GRIA2: variants seen among roughly 807,000 people sequenced by gnomAD.
GRIA2 encodes the protein glutamate ionotropic receptor AMPA type subunit 2, also known as glutamate receptor 2.
Under a neutral mutation model 97.3 loss-of-function variants are expected in GRIA2, and 14 were observed. That is an observed-to-expected ratio of 0.14 (90% CI 0.10 to 0.23). GRIA2 has a LOEUF of 0.23. GRIA2 is among the 10% of genes least tolerant of loss of function. The pLI is 1.00. For missense variants in GRIA2, 558 were observed against 1,069.8 expected, an observed-to-expected ratio of 0.52 and a Z score of 6.67; for synonymous variants, 412 against 387.8, an observed-to-expected ratio of 1.06 and a Z score of -0.73.
At chr4:157,231,717 A>T (rs1730027732) in intron 2 of GRIA2, among the ~76,000 whole-genome samples, 1 of 152,180 alleles carries the variant, frequency 6.6e-6, no homozygotes, top group South Asian at 2.1e-4. Context: ...GCAATTCTTG[A>T]TAATTGCTGA....
chr4:157,312,680 C>T lies in GRIA2; in HGVS notation c.471C>T (p.Gly157=), dbSNP rs1560760558. Residue 157 remains glycine, a splice_region_variant and synonymous_variant, in exon 4 of 16, where the codon GGC becomes GGT. Transcript: ENST00000264426. The part of the protein sequence containing the change: ...KFAYLYDSDR[G]LSTLQAVLDS... ...CATCATTTTTCTTTGCCTTCCTAGGCTTATCAACACTGCAAGCTGTGCTGG... is the reference window on the plus strand; with the variant it reads ...CATCATTTTTCTTTGCCTTCCTAGGTTTATCAACACTGCAAGCTGTGCTGG... 6.3e-7 allele frequency: 1 copy of T among 1,576,398 alleles called. No individual in the cohort carries two copies. The highest frequency in any genetic ancestry group is 1.8e-5 in the Admixed American group (1 of 56,270).
rs1245621457 is a variant in GRIA2 at position 157,353,850 on chromosome 4, GATAA to G, written c.2044-6043_2044-6040del. Among the ~76,000 whole-genome samples the G allele has an allele frequency of 6.6e-5, 10 of 152,092 alleles. No homozygotes were observed. The East Asian group carries it at 1.7e-3, about 26-fold the overall frequency. The stretch of plus-strand genomic sequence containing the variant: ...TTTTAAAATTAGTTTTATTTAAAAT[GATAA>G]ATTAATCGTATAGAAAAATTTTCAT... On this transcript the variant is annotated intron_variant, in intron 12 of 15. Coordinates refer to ENST00000264426, the MANE Select transcript of GRIA2 (RefSeq NM_001083619.3).
At chr4:157,318,325 C>T (rs1262532645) in intron 5 of GRIA2, among the ~76,000 whole-genome samples, 1 of 151,916 alleles carries the variant, frequency 6.6e-6, no homozygotes, top group Non-Finnish European at 1.5e-5. Context: ...GAGAATATGT[C>T]TTAGTATGAA....
intron 2 of GRIA2, among the ~76,000 whole-genome samples, chr4:157,271,554 A>C (rs1732024891): frequency 6.6e-6 from 1 of 152,048 alleles, no homozygotes; most frequent in African/African-American, 2.4e-5. Flanking sequence ...AGGCTGCTCC[A>C]CCCTCCAGAA....
At chr4:157,355,951 T>TTATATATTAATATATATTTATATATTTA (rs1736307284) in intron 12 of GRIA2, among the ~76,000 whole-genome samples, 1 of 68,094 alleles carries the variant, frequency 1.5e-5, no homozygotes, top group Non-Finnish European at 2.4e-5. Context: ...TAATATATAT[T>TTATATATTAATATATATTTATATATTTA]TATATATTTA....
chr4:157,291,481 G>A (rs1733100998), intron 2 of GRIA2, among the ~76,000 whole-genome samples: 1 of 151,734 alleles, frequency 6.6e-6, no homozygotes, highest in Admixed American at 6.6e-5. Context: ...GTAAAACAGA[G>A]AATTTGAGGA....
At chr4:157,283,778 G>C (rs1215027990) in intron 2 of GRIA2, among the ~76,000 whole-genome samples, 1 of 151,836 alleles carries the variant, frequency 6.6e-6, no homozygotes, top group Non-Finnish European at 1.5e-5. Flanking sequence ...ACACTCACTA[G>C]TAATCTTTAG....
At position 157,285,674 on chromosome 4, in the gene GRIA2, A is replaced by G. The variant is rs555707263; in HGVS notation, c.230-17878A>G. On this transcript the variant is annotated intron_variant, in intron 2 of 15. Coordinates refer to ENST00000264426, the MANE Select transcript of GRIA2 (RefSeq NM_001083619.3). ...TCAACTTTGCTACAATGCTACCTCT[A>G]TTTCAAACATTTTTTATATGTGGAT... Among the ~76,000 whole-genome samples, 18 of 151,356 alleles carry G rather than the reference A, an allele frequency of 1.2e-4. No individual in the cohort carries two copies. In the South Asian group the frequency reaches 3.5e-3, roughly 30 times the overall value.
chr4:157,359,853 G>C, intron 12 of GRIA2, 43 bp from the exon 13 acceptor site: 2 of 1,567,722 alleles, frequency 1.3e-6, no homozygotes, highest in Non-Finnish European at 1.7e-6. Flanking sequence ...TAATTTTTTA[G>C]GGCCATCTCT....
rs1355672760 is a variant in GRIA2, at chr4:157,363,504, C to T, written c.*73C>T. On this transcript the variant is annotated 3_prime_UTR_variant, in exon 16 of 16. Transcript: ENST00000264426. ...TACAGGAAGTACTGGAGAAAATGGA[C>T]GTGTTATGACTCCAGAATTTCCCAA... 1.1e-5 allele frequency: 13 copies of T among 1,237,594 alleles called. No individual in the cohort carries two copies. Among genetic ancestry groups the T allele is most frequent in the South Asian group, 8.0e-5 (2 of 25,104 alleles). 76.7% of individuals were successfully genotyped at this position (1,237,594 alleles called of 1,614,324 possible). A position where few individuals can be genotyped will look rare whatever the true frequency, so the allele number is the denominator to read the frequency against.
intron 2 of GRIA2, among the ~76,000 whole-genome samples, chr4:157,278,661 T>G (rs1732457580): frequency 6.6e-6 from 1 of 151,950 alleles, no homozygotes; most frequent in Non-Finnish European, 1.5e-5. Context: ...TGAGATGCAG[T>G]CAGGAGAATG....
chr4:157,341,185 A>G, intron 11 of GRIA2, 79 bp from the exon 12 acceptor site: 3 of 900,568 alleles, frequency 3.3e-6, no homozygotes. Context: ...ATAAGTCAAT[A>G]TTTGCATAAT....
chr4:157,260,169 T>A (rs6536225), intron 2 of GRIA2, among the ~76,000 whole-genome samples: 54,004 of 151,980 alleles, frequency 0.36, 10,093 homozygotes, highest in African/African-American at 0.47. Flanking sequence ...AGAGAAGCTA[T>A]ATATAATAGT....
At chr4:157,284,626 T>C (rs1158141384) in intron 2 of GRIA2, among the ~76,000 whole-genome samples, 1 of 151,688 alleles carries the variant, frequency 6.6e-6, no homozygotes, top group Non-Finnish European at 1.5e-5. Flanking sequence ...GATGTGTATC[T>C]TTTCTACAAA....
chr4:157,338,653 G>T (rs558236409), intron 11 of GRIA2, among the ~76,000 whole-genome samples: 1 of 151,898 alleles, frequency 6.6e-6, no homozygotes, highest in Non-Finnish European at 1.5e-5. Context: ...TTATTTCCTG[G>T]TAGGATAAAC....
chr4:157,255,371 G>A (rs974532636), intron 2 of GRIA2, among the ~76,000 whole-genome samples: 1 of 151,912 alleles, frequency 6.6e-6, no homozygotes, highest in Non-Finnish European at 1.5e-5. Flanking sequence ...AAAAATACGA[G>A]GGCAGGTATC....
intron 2 of GRIA2, among the ~76,000 whole-genome samples, chr4:157,230,401 G>C (rs1166580738): frequency 6.6e-6 from 1 of 152,058 alleles, no homozygotes; most frequent in Non-Finnish European, 1.5e-5. Flanking sequence ...AGTGATGGCG[G>C]GAAAGCTGTG....
chr4:157,350,632 G>C (rs1310081772), intron 12 of GRIA2, among the ~76,000 whole-genome samples: 1 of 149,962 alleles, frequency 6.7e-6, no homozygotes, highest in African/African-American at 2.4e-5. Context: ...TCACACCATT[G>C]TCTATTACTC....
At chr4:157,254,290 A>G (rs1054512072) in intron 2 of GRIA2, among the ~76,000 whole-genome samples, 1 of 152,100 alleles carries the variant, frequency 6.6e-6, no homozygotes, top group Non-Finnish European at 1.5e-5. Flanking sequence ...TTTAAAGTCT[A>G]GGCCTAAACA....
Sources: gnomAD v4.1 joint callset for allele counts (sites outside exome capture counted in the v4.1 genomes callset) on GRCh38, gnomAD v4.1.1 for gene constraint, MANE v1.5 for transcripts, NCBI Gene and HGNC (gene_info 2026-07-23, HGNC 2026-07-21) for gene names.